CEP128: variants seen among roughly 807,000 people sequenced by gnomAD.
CEP128 encodes centrosomal protein 128kDa.
CEP128 carries 132 observed loss-of-function variants against 156.7 expected under a neutral mutation model. The ratio of observed to expected loss-of-function variants is 0.84; its 90% CI spans 0.73 to 0.97. The LOEUF is 0.97. CEP128 is among the 50% of genes least tolerant of loss of function. The pLI, the probability that CEP128 is intolerant of heterozygous loss-of-function variation, is 0.00. For missense variants in CEP128, 1,252 were observed against 1,281.9 expected (o/e 0.98, Z 0.36); for synonymous variants, 469 against 448.9 (o/e 1.04, Z -0.57).
rs551973409 is a variant in CEP128, at chr14:80,755,011, G to A, written c.2613+1881C>T. Among the ~76,000 whole-genome samples, 219 of 152,182 alleles carry A rather than the reference G, an allele frequency of 1.4e-3. 1 individual carries two copies. The highest frequency in any genetic ancestry group is 4.5e-3 in the African/African-American group (186 of 41,542). The stretch of plus-strand genomic sequence containing the variant: ...TATTGAGCCTGGGTGTGTCTGTGAG[G>A]GTGTTTCCAAAGGAGATTAACATTT... On this transcript the variant is annotated intron_variant, in intron 18 of 24. Transcript: ENST00000555265.
chr14:80,805,102 G>C (rs1374351135), intron 13 of CEP128, among the ~76,000 whole-genome samples: 1 of 151,934 alleles, frequency 6.6e-6, no homozygotes, highest in Non-Finnish European at 1.5e-5. Context: ...TGAATACTCA[G>C]CACTCTCTTG....
chr14:80,783,761 T>C (rs979672956), intron 15 of CEP128, among the ~76,000 whole-genome samples: 5 of 152,312 alleles, frequency 3.3e-5, no homozygotes, highest in Admixed American at 1.3e-4. Context: ...GATGGTTTCA[T>C]AGGCAGGAGG....
At chr14:80,844,680 T>A (rs1886509833) in intron 9 of CEP128, among the ~76,000 whole-genome samples, 1 of 152,170 alleles carries the variant, frequency 6.6e-6, no homozygotes. Context: ...ATAACATTCC[T>A]TAAAGATATC....
At chr14:80,734,229 C>G (rs1007620296) in intron 19 of CEP128, among the ~76,000 whole-genome samples, 1 of 152,110 alleles carries the variant, frequency 6.6e-6, no homozygotes, top group African/African-American at 2.4e-5. Context: ...CGATGGCCAA[C>G]ATGAAAATGT....
chr14:80,602,267 A>G (rs1314796626), intron 19 of CEP128, among the ~76,000 whole-genome samples: 3 of 152,248 alleles, frequency 2.0e-5, no homozygotes, highest in Admixed American at 2.0e-4. Flanking sequence ...CCCACCTTCA[A>G]TAATACCCAA....
chr14:80,832,041 A>T (rs890222276), intron 12 of CEP128, among the ~76,000 whole-genome samples: 8 of 152,164 alleles, frequency 5.3e-5, no homozygotes, highest in Non-Finnish European at 1.0e-4. Flanking sequence ...TGCTGTTCTC[A>T]TGATAGTGAA....
intron 19 of CEP128, among the ~76,000 whole-genome samples, chr14:80,686,302 C>G (rs554502577): frequency 6.6e-6 from 1 of 152,044 alleles, no homozygotes; most frequent in East Asian, 1.9e-4. Flanking sequence ...AAAGTAATTT[C>G]CAATCCAAAA....
At chr14:80,762,797 G>C (rs1900035796) in intron 16 of CEP128, among the ~76,000 whole-genome samples, 1 of 152,140 alleles carries the variant, frequency 6.6e-6, no homozygotes, top group South Asian at 2.1e-4. Context: ...CTTCAAAATG[G>C]GGCTGGTAGC....
chr14:80,845,740 C>T (rs1489162180), intron 9 of CEP128, among the ~76,000 whole-genome samples: 2 of 151,998 alleles, frequency 1.3e-5, no homozygotes, highest in African/African-American at 2.4e-5. Flanking sequence ...AAAAATAAAA[C>T]AGTACTAAGC....
chr14:80,840,701 G>A lies in CEP128; in HGVS notation c.830C>T (p.Thr277Ile). The A allele has an allele frequency of 6.2e-7, 1 of 1,605,918 alleles. No individual in the cohort carries two copies. Among genetic ancestry groups the A allele is most frequent in the Non-Finnish European group, 8.5e-7 (1 of 1,173,798 alleles). ...EGAIKNKLRQ[T>I]ETEKNQLEQE... ...TCTTACTTGATTCTTCTCAGTTTCA[G>A]TTTGTCTTAGCTTATTTTTTATTGC... The change falls in exon 10 of 25, where the codon ACT becomes ATT. Residue 277 changes from threonine to isoleucine, a missense_variant. Transcript: ENST00000555265.
At chr14:80,920,467 T>C (rs994383298) in intron 2 of CEP128, among the ~76,000 whole-genome samples, 1 of 152,216 alleles carries the variant, frequency 6.6e-6, no homozygotes, top group Non-Finnish European at 1.5e-5. Flanking sequence ...GCGTCAATTA[T>C]ATACTCTTCT....
chr14:80,707,793 A>G (rs1046434487), intron 19 of CEP128, among the ~76,000 whole-genome samples: 1 of 152,252 alleles, frequency 6.6e-6, no homozygotes, highest in South Asian at 2.1e-4. Flanking sequence ...CACCAATACC[A>G]CAAGAAAATA....
chr14:80,954,835 T>C (rs1387791465), intron 2 of CEP128, among the ~76,000 whole-genome samples: 1 of 152,244 alleles, frequency 6.6e-6, no homozygotes, highest in Admixed American at 6.5e-5. Flanking sequence ...TCAATGAAAT[T>C]CTTGGGTCGA....
chr14:80,714,309 C>T (rs1054713081), intron 19 of CEP128, among the ~76,000 whole-genome samples: 3 of 151,958 alleles, frequency 2.0e-5, no homozygotes, highest in Non-Finnish European at 4.4e-5. Context: ...AACACACACA[C>T]ATACACACAC....
chr14:80,836,605 C>T lies in CEP128; in HGVS notation c.925-268G>A, dbSNP rs113443042. Among the ~76,000 whole-genome samples, 96 of 152,150 alleles carry T rather than the reference C, an allele frequency of 6.3e-4. 1 individual carries two copies. The highest frequency in any genetic ancestry group is 3.4e-3 in the Middle Eastern group (1 of 294). ...ATTTTGTCCTCAGTCTACTCCATTA[C>T]TATTAACCCAAATCAACTTCAATTA... is the stretch of plus-strand genomic sequence containing the variant. On this transcript the variant is annotated intron_variant, in intron 11 of 24. Transcript: ENST00000555265.
At chr14:80,679,540 A>T (rs2619668) in intron 19 of CEP128, among the ~76,000 whole-genome samples, 41,578 of 151,976 alleles carry the variant, frequency 0.27, 6,727 homozygotes, top group African/African-American at 0.44. Context: ...CCCACCCTGG[A>T]GAATTTGAGG....
At chr14:80,585,322 T>C (rs893105793) in intron 19 of CEP128, among the ~76,000 whole-genome samples, 1 of 152,242 alleles carries the variant, frequency 6.6e-6, no homozygotes, top group Non-Finnish European at 1.5e-5. Context: ...ACCAGTGATC[T>C]GGCTGTTTAA....
chr14:80,584,156 TTTTTTTTG>T (rs1215256130), intron 19 of CEP128, among the ~76,000 whole-genome samples: 1 of 111,846 alleles, frequency 8.9e-6, no homozygotes, highest in South Asian at 3.6e-4. Context: ...TTTTTTTTTT[TTTTTTTTG>T]TTTGACAGCG....
chr14:80,607,501 A>G (rs1312565784), intron 19 of CEP128, among the ~76,000 whole-genome samples: 2 of 152,200 alleles, frequency 1.3e-5, no homozygotes, highest in African/African-American at 4.8e-5. Flanking sequence ...TGGACTGACC[A>G]TCTACCCTAG....
Sources: allele counts gnomAD v4.1 joint callset (sites outside exome capture counted in the v4.1 genomes callset), GRCh38; gene constraint gnomAD v4.1.1; transcripts MANE v1.5; gene names NCBI Gene and HGNC (gene_info 2026-07-23, HGNC 2026-07-21).